DRAM2: variants seen among roughly 807,000 people sequenced by gnomAD.
DRAM2 encodes DNA damage-regulated autophagy modulator protein 2.
In DRAM2, 26 loss-of-function variants were observed where a neutral mutation model predicts 33.5. That is an observed-to-expected ratio of 0.78 (90% CI 0.57 to 1.08). The LOEUF is 1.08. Ranked by LOEUF, DRAM2 falls within the 50% of genes least tolerant of loss-of-function variation. The probability of loss-of-function intolerance (pLI) is 0.00; values close to 1 mark genes in which losing one functional copy is unlikely to be tolerated. For synonymous variants in DRAM2, 98 were observed against 109.5 expected (o/e 0.89, Z 0.66); for missense variants, 311 against 318.1 (o/e 0.98, Z 0.17).
intron 3 of DRAM2, among the ~76,000 whole-genome samples, chr1:111,135,476 T>G (rs1470262715): frequency 6.6e-6 from 1 of 152,212 alleles, no homozygotes; most frequent in African/African-American, 2.4e-5. Context: ...CCCTGGAGAT[T>G]TCCCTGTCTT....
intron 4 of DRAM2, among the ~76,000 whole-genome samples, chr1:111,129,867 C>G (rs1026587197): frequency 6.6e-6 from 1 of 152,084 alleles, no homozygotes; most frequent in African/African-American, 2.4e-5. Context: ...TTTGTACATA[C>G]ATGATAACAA....
chr1:111,119,761 A>C (rs1649599748), intron 8 of DRAM2, 116 bp downstream of exon 8: 12 of 839,586 alleles, frequency 1.4e-5, no homozygotes, highest in Admixed American at 1.3e-4. Context: ...TTAATACAGA[A>C]CTGATTATTC....
At chr1:111,129,528 AT>A (rs1256422994) in intron 4 of DRAM2, among the ~76,000 whole-genome samples, 2 of 152,232 alleles carry the variant, frequency 1.3e-5, no homozygotes, top group East Asian at 3.8e-4. Flanking sequence ...GAAACCATTC[AT>A]ATAATTATGA....
intron 5 of DRAM2, 98 bp from the exon 6 acceptor site, chr1:111,124,979 C>T: frequency 1.0e-6 from 1 of 955,488 alleles, no homozygotes; most frequent in Non-Finnish European, 1.5e-6. Flanking sequence ...TCCAGAATCA[C>T]AGATTTTCCT....
chr1:111,127,665 A>C (rs1158511773), intron 4 of DRAM2, among the ~76,000 whole-genome samples: 1 of 152,086 alleles, frequency 6.6e-6, no homozygotes, highest in African/African-American at 2.4e-5. Context: ...TCTTAGAAAA[A>C]TCCATAATTT....
intron 3 of DRAM2, among the ~76,000 whole-genome samples, chr1:111,136,839 T>C (rs1653281448): frequency 6.6e-6 from 1 of 151,306 alleles, no homozygotes; most frequent in Non-Finnish European, 1.5e-5. Context: ...CCGGGGGTGA[T>C]GGCAGGCGCC....
intron 3 of DRAM2, among the ~76,000 whole-genome samples, chr1:111,133,674 G>A (rs1303698215): frequency 2.0e-5 from 3 of 152,170 alleles, no homozygotes; most frequent in Non-Finnish European, 4.4e-5. Context: ...AATTGCCCAA[G>A]GTCATAGAGC....
chr1:111,120,484 C>G (rs1273262390), intron 7 of DRAM2, 32 bp downstream of exon 7: 7 of 1,369,430 alleles, frequency 5.1e-6, no homozygotes, highest in Non-Finnish European at 6.7e-6. Flanking sequence ...AATTCCTTTC[C>G]AAGTGTAGCC....
Position 111,137,273 on chromosome 1 carries a change from A to T in DRAM2, c.-15+250T>A, listed in dbSNP as rs1043493327. On this transcript the variant is annotated intron_variant, in intron 3 of 9. Transcript: ENST00000484310. ...TCTCAAAAAAAAAAAAAAAAAAAAAAATTTCCATGATTGTGGAAAAGTTCT... is the reference window on the plus strand; with the variant it reads ...TCTCAAAAAAAAAAAAAAAAAAAAATATTTCCATGATTGTGGAAAAGTTCT... Among the ~76,000 whole-genome samples the T allele has an allele frequency of 1.3e-4, 19 of 151,790 alleles. No individual in the cohort carries two copies. The East Asian group carries it at 3.5e-3, about 28-fold the overall frequency.
At chr1:111,120,739 C>A (rs1011195077) in intron 6 of DRAM2, 46 bp from the exon 7 acceptor site, 2 of 1,431,430 alleles carry the variant, frequency 1.4e-6, no homozygotes, top group African/African-American at 1.5e-5. Context: ...AAACTCAGAA[C>A]ACATTGGCAA....
Position 111,126,273 on chromosome 1 carries a change from T to C in DRAM2, c.153A>G (p.Pro51=). The C allele has an allele frequency of 6.2e-7, 1 of 1,610,598 alleles. No homozygotes were observed. Among genetic ancestry groups the C allele is most frequent in the Non-Finnish European group, 8.5e-7 (1 of 1,178,056 alleles). Residue 51 remains proline, a synonymous_variant, in exon 5 of 10, where the codon CCA becomes CCG. Coordinates refer to ENST00000484310, the MANE Select transcript of DRAM2 (RefSeq NM_001349884.2). The stretch of plus-strand genomic sequence containing the variant: ...GCATTGCCCCAAATAAGCATTTTTC[T>C]GGAGCTACTGTACCAGTGTCACTGA... ...PYISDTGTVA[P]EKCLFGAMLN...
At chr1:111,124,401 CTT>C (rs1276202319) in intron 6 of DRAM2, among the ~76,000 whole-genome samples, 1 of 152,082 alleles carries the variant, frequency 6.6e-6, no homozygotes, top group African/African-American at 2.4e-5. Context: ...AAAAACAAAA[CTT>C]TTAAAATCTG....
At chr1:111,133,398 G>A (rs935692371) in intron 3 of DRAM2, among the ~76,000 whole-genome samples, 10 of 152,166 alleles carry the variant, frequency 6.6e-5, no homozygotes, top group African/African-American at 2.4e-4. Context: ...GGCTGGTCTC[G>A]AATTCCTCAC....
At chr1:111,131,384 A>C in intron 4 of DRAM2, 40 bp downstream of exon 4, 1 of 1,567,424 alleles carries the variant, frequency 6.4e-7, no homozygotes. Flanking sequence ...TAAGAATGAG[A>C]CATAAAGAGT....
In DRAM2 at chr1:111,118,054, GC is replaced by G. The variant is rs1435950124; in HGVS notation, c.*105del. The G allele has an allele frequency of 1.0e-6, 1 of 967,270 alleles. No homozygotes were observed. 59.9% of individuals were successfully genotyped at this position (967,270 alleles called of 1,614,324 possible). ...TCAGCATTCATCAGTGTTACTGTCA[GC>G]CTTGATTAAGTGGTTGAAAATTTCA... On this transcript the variant is annotated 3_prime_UTR_variant, in exon 10 of 10. Coordinates refer to ENST00000484310, the MANE Select transcript of DRAM2 (RefSeq NM_001349884.2).
chr1:111,130,561 G>C (rs1035193783), intron 4 of DRAM2, among the ~76,000 whole-genome samples: 1 of 150,148 alleles, frequency 6.7e-6, no homozygotes, highest in South Asian at 2.1e-4. Flanking sequence ...AAAATTAGGC[G>C]TGGTGGTGTG....
At chr1:111,118,583 A>G in intron 9 of DRAM2, 1 of 477,794 alleles carries the variant, frequency 2.1e-6, no homozygotes, top group Non-Finnish European at 3.7e-6. Flanking sequence ...AATTTATTTT[A>G]TAGCCCCATT....
intron 2 of DRAM2, among the ~76,000 whole-genome samples, chr1:111,138,882 A>C (rs894596671): frequency 6.6e-6 from 1 of 152,240 alleles, no homozygotes; most frequent in Non-Finnish European, 1.5e-5. Flanking sequence ...ATTTTTTAAC[A>C]AATATTTAAA....
intron 4 of DRAM2, chr1:111,127,834 C>T (rs1287757330): frequency 6.6e-6 from 1 of 152,132 alleles, no homozygotes; most frequent in Admixed American, 6.6e-5. Context: ...CATAGCACTT[C>T]ATCTCAGTGG....
Sources: gnomAD v4.1 joint callset for allele counts (sites outside exome capture counted in the v4.1 genomes callset) on GRCh38, gnomAD v4.1.1 for gene constraint, MANE v1.5 for transcripts, NCBI Gene and HGNC (gene_info 2026-07-23, HGNC 2026-07-21) for gene names.